Variants in CLIC6 observed in about 807,000 individuals in gnomAD.
The protein encoded by CLIC6 is CLIC family member 6, also known as chloride intracellular channel protein 6.
In CLIC6, 39 loss-of-function variants were observed where a neutral mutation model predicts 49.2. That is an observed-to-expected ratio of 0.79 (90% CI 0.61 to 1.04). CLIC6 has a LOEUF of 1.04. Among genes scored for constraint, CLIC6 ranks in the 50% least tolerant of loss-of-function variants. CLIC6 has a pLI of 0.00. For missense variants in CLIC6, 988 were observed against 993.1 expected (o/e 0.99, Z 0.07); for synonymous variants, 446 against 433.4 (o/e 1.03, Z -0.36).
chr21:34,671,734 C>G (rs1989571437), intron 1 of CLIC6, among the ~76,000 whole-genome samples: 1 of 152,128 alleles, frequency 6.6e-6, no homozygotes, highest in South Asian at 2.1e-4. Context: ...CTTATAGAAA[C>G]CAGTTACCAT....
intron 1 of CLIC6, chr21:34,706,082 T>G (rs1457967222): frequency 1.6e-5 from 11 of 681,426 alleles, no homozygotes; most frequent in Non-Finnish European, 2.1e-5. Flanking sequence ...TACCTGAGAG[T>G]GGGTAATTTA....
At chr21:34,704,145 C>T (rs371810504) in intron 1 of CLIC6, among the ~76,000 whole-genome samples, 7 of 152,162 alleles carry the variant, frequency 4.6e-5, no homozygotes, top group Non-Finnish European at 5.9e-5. Context: ...CCAATTATGG[C>T]GACAGTGTCA....
intron 1 of CLIC6, among the ~76,000 whole-genome samples, chr21:34,701,825 A>T (rs1990195470): frequency 1.3e-5 from 2 of 152,200 alleles, no homozygotes; most frequent in Non-Finnish European, 1.5e-5. Context: ...CATCAATTTA[A>T]ATATTGCATT....
At chr21:34,673,318 C>A (rs1265396003) in intron 1 of CLIC6, among the ~76,000 whole-genome samples, 1 of 151,588 alleles carries the variant, frequency 6.6e-6, no homozygotes, top group Admixed American at 6.6e-5. Flanking sequence ...GAGACAGGTT[C>A]TTGCTCTGTC....
chr21:34,669,598 G>A lies in CLIC6; in HGVS notation c.210G>A (p.Glu70=). The change falls in exon 1 of 6, where the codon GAG becomes GAA. Residue 70 remains glutamate (E), a synonymous_variant. Transcript: ENST00000349499. ...AGGGGPDRGP[E]AEARGTRGAH... Reference sequence around the variant, plus strand: ...GCGGCGGGCCAGACAGGGGCCCGGAGGCCGAGGCGCGGGGCACGAGGGGGG... The same window carrying A: ...GCGGCGGGCCAGACAGGGGCCCGGAAGCCGAGGCGCGGGGCACGAGGGGGG... 2.4e-6 allele frequency: 3 copies of A among 1,271,224 alleles called. No homozygotes were observed. Among genetic ancestry groups the A allele is most frequent in the Non-Finnish European group, 3.0e-6 (3 of 1,012,048 alleles). The allele number at this position is 1,271,224 out of a possible 1,614,324, so 78.7% of individuals were successfully genotyped here.
At chr21:34,696,073 A>C (rs1259863200) in intron 1 of CLIC6, among the ~76,000 whole-genome samples, 1 of 152,098 alleles carries the variant, frequency 6.6e-6, no homozygotes, top group Non-Finnish European at 1.5e-5. Flanking sequence ...GACATTTTGC[A>C]CTCTAGGTGT....
chr21:34,696,226 C>T (rs569709036), intron 1 of CLIC6, among the ~76,000 whole-genome samples: 2 of 152,318 alleles, frequency 1.3e-5, no homozygotes, highest in Admixed American at 6.5e-5. Context: ...TCCACCAGGG[C>T]TGCCGAATGT....
chr21:34,700,446 C>CAAA (rs530221942), intron 1 of CLIC6, among the ~76,000 whole-genome samples: 14,805 of 64,494 alleles, frequency 0.23, 2,078 homozygotes, highest in Non-Finnish European at 0.25. Flanking sequence ...GACTCCGTCT[C>CAAA]AAAAAAAAAA....
chr21:34,709,173 T>C (rs898301848), intron 4 of CLIC6, among the ~76,000 whole-genome samples, 184 bp from the exon 5 acceptor site: 1 of 152,174 alleles, frequency 6.6e-6, no homozygotes, highest in African/African-American at 2.4e-5. Context: ...TAGACAGCAG[T>C]GTGATTTTCC....
In CLIC6 at chr21:34,670,344, C is replaced by A. The variant is rs1254267849; in HGVS notation, c.956C>A (p.Ala319Glu). The change falls in exon 1 of 6, where the codon GCG becomes GAG. Residue 319 changes from alanine (A) to glutamate (E), a missense_variant. Physicochemically the swap from Ala to Glu is moderately radical, Grantham distance 107. Coordinates refer to ENST00000349499, the MANE Select transcript of CLIC6 (RefSeq NM_053277.3). ...ATTGAGGTCGCAGCCGGGGAGAGTG[C>A]GGGGCGCAGCCCCGGTGAGCTCGCC... ...EAIEVAAGES[A>E]GRSPGELAWD... The A allele has an allele frequency of 2.8e-6, 4 of 1,450,318 alleles. No individual in the cohort carries two copies. The highest frequency in any genetic ancestry group is 3.6e-6 in the Non-Finnish European group (4 of 1,102,328). 89.8% of individuals were successfully genotyped at this position (1,450,318 alleles called of 1,614,324 possible).
At chr21:34,675,083 C>T (rs1473504805) in intron 1 of CLIC6, among the ~76,000 whole-genome samples, 10 of 152,168 alleles carry the variant, frequency 6.6e-5, no homozygotes, top group Middle Eastern at 3.4e-3. Flanking sequence ...TTAGACACCA[C>T]CTGTTTACTT....
intron 1 of CLIC6, among the ~76,000 whole-genome samples, chr21:34,699,123 T>C (rs1990141652): frequency 6.6e-6 from 1 of 152,208 alleles, no homozygotes; most frequent in South Asian, 2.1e-4. Context: ...GTTTATAAAA[T>C]GGGATGAATA....
chr21:34,696,314 C>T (rs1205527295), intron 1 of CLIC6, among the ~76,000 whole-genome samples: 1 of 152,230 alleles, frequency 6.6e-6, no homozygotes, highest in African/African-American at 2.4e-5. Context: ...GTCCTAACCA[C>T]TGTTTGTACT....
At chr21:34,716,179 T>C in intron 5 of CLIC6, 142 bp from the exon 6 acceptor site, 1 of 684,258 alleles carries the variant, frequency 1.5e-6, no homozygotes, top group Middle Eastern at 4.3e-4. Context: ...CAAGATGCCG[T>C]GGTGGGTAGC....
At chr21:34,693,218 C>G (rs1266343659) in intron 1 of CLIC6, among the ~76,000 whole-genome samples, 1 of 152,136 alleles carries the variant, frequency 6.6e-6, no homozygotes, top group African/African-American at 2.4e-5. Flanking sequence ...TTAGAAAGAC[C>G]AGCTTGTCCT....
intron 1 of CLIC6, among the ~76,000 whole-genome samples, chr21:34,689,333 A>G (rs568453960): frequency 1.3e-5 from 2 of 152,308 alleles, no homozygotes; most frequent in Non-Finnish European, 2.9e-5. Flanking sequence ...GCGTGTTGAC[A>G]TTGGAGAAGC....
chr21:34,690,039 TG>T (rs1257440540), intron 1 of CLIC6, among the ~76,000 whole-genome samples: 1 of 152,230 alleles, frequency 6.6e-6, no homozygotes, highest in East Asian at 1.9e-4. Flanking sequence ...CATTATTTTC[TG>T]AGTCTGTTTC....
Position 34,669,831 on chromosome 21 carries a change from C to A in CLIC6, c.443C>A (p.Pro148Gln). 7.1e-7 allele frequency: 1 copy of A among 1,412,340 alleles called. No individual in the cohort carries two copies. Among genetic ancestry groups the A allele is most frequent in the Admixed American group, 3.1e-5 (1 of 32,532 alleles). The allele number at this position is 1,412,340 out of a possible 1,614,324, so 87.5% of individuals were successfully genotyped here. Reference sequence around the variant, plus strand: ...GAGGCGGAGCAGAGGCCTGAGGTCCCGGAAGGTAGCGCGTCCGGGGAGGCG... The same window carrying A: ...GAGGCGGAGCAGAGGCCTGAGGTCCAGGAAGGTAGCGCGTCCGGGGAGGCG... ...QEEAEQRPEV[P>Q]EGSASGEAGD... The change falls in exon 1 of 6, where the codon CCG becomes CAG. Residue 148 changes from proline (P) to glutamine (Q), a missense_variant. This residue lies in a region of CLIC6 where 284 missense variants were observed against 278.6 expected (regional missense o/e 1.02). Coordinates refer to ENST00000349499, the MANE Select transcript of CLIC6 (RefSeq NM_053277.3).
At chr21:34,677,524 A>C (rs1989696243) in intron 1 of CLIC6, among the ~76,000 whole-genome samples, 1 of 152,236 alleles carries the variant, frequency 6.6e-6, no homozygotes, top group Non-Finnish European at 1.5e-5. Context: ...TGGATAAAGC[A>C]TCTTACCCAT....
Sources: gnomAD v4.1 joint callset for allele counts (sites outside exome capture counted in the v4.1 genomes callset) on GRCh38, gnomAD v4.1.1 for gene constraint, gnomAD v4.1.1 regional missense constraint, MANE v1.5 for transcripts, NCBI Gene and HGNC (gene_info 2026-07-23, HGNC 2026-07-21) for gene names.